The following TMEM259 variants were observed in gnomAD, a reference collection of about 807,000 sequenced individuals.
TMEM259 encodes the protein transmembrane protein 259, also known as membralin.
TMEM259 carries 26 observed loss-of-function variants against 46.7 expected under a neutral mutation model. The ratio of observed to expected loss-of-function variants is 0.56; its 90% CI spans 0.41 to 0.77. TMEM259 has a LOEUF of 0.77. TMEM259 is among the 30% of genes least tolerant of loss of function. The pLI, the probability that TMEM259 is intolerant of heterozygous loss-of-function variation, is 0.00. For missense variants in TMEM259, 930 were observed against 900.5 expected (o/e 1.03, Z -0.42); for synonymous variants, 494 against 395.1 (o/e 1.25, Z -2.97).
Position 1,013,282 on chromosome 19 carries a change from T to C in TMEM259, c.566A>G (p.Asn189Ser), listed in dbSNP as rs1436067476. 6.2e-7 allele frequency: 1 copy of C among 1,613,670 alleles called. No homozygotes were observed. The highest frequency in any genetic ancestry group is 8.5e-7 in the Non-Finnish European group (1 of 1,179,796). ...GGGGAAGGGGAACTCCTGGCTGTCA[T>C]TCAGGGCCTCTGTGCTACTCGGCGG... ...FKPPSSTEAL[N>S]DSQEFPFPET... Residue 189 changes from asparagine (N) to serine (S), a missense_variant, in exon 3 of 11, where the codon AAT becomes AGT. Transcript: ENST00000356663.
chr19:1,015,390 C>T (rs560522004), intron 1 of TMEM259, among the ~76,000 whole-genome samples: 53 of 152,326 alleles, frequency 3.5e-4, no homozygotes, highest in African/African-American at 1.3e-3. Context: ...GGCCCCACCC[C>T]GACGTCCACA....
In TMEM259 at chr19:1,020,964, C is replaced by T. The variant is rs2039276621; in HGVS notation, c.33G>A (p.Gly11=). 2 of 1,276,050 alleles carry T rather than the reference C, an allele frequency of 1.6e-6. No homozygotes were observed. The highest frequency in any genetic ancestry group is 2.0e-6 in the Non-Finnish European group (2 of 1,008,646). The allele number at this position is 1,276,050 out of a possible 1,614,324, so 79.0% of individuals were successfully genotyped here. A position where few individuals can be genotyped will look rare whatever the true frequency, so the allele number is the denominator to read the frequency against. MSEHVEPAAP[G]PGPNGGGGGP... ...CGCCGCCGCCGCCGTTGGGCCCGGG[C>T]CCCGGAGCTGCGGGCTCCACGTGCT... Residue 11 remains glycine (G), a synonymous_variant, in exon 1 of 11, where the codon GGG becomes GGA. Coordinates refer to ENST00000356663, the MANE Select transcript of TMEM259 (RefSeq NM_001033026.2). The surrounding 1 kb of genome is among the most constrained non-coding windows in gnomAD (Gnocchi z 4.0).
At chr19:1,015,198 A>C (rs2039069065) in intron 1 of TMEM259, among the ~76,000 whole-genome samples, 1 of 152,302 alleles carries the variant, frequency 6.6e-6, no homozygotes, top group African/African-American at 2.4e-5. Flanking sequence ...AGAGCGCCCC[A>C]CGGCAGGGCG....
chr19:1,009,739 C>A lies in TMEM259; in HGVS notation c.*611G>T. The A allele has an allele frequency of 1.3e-6, 1 of 799,916 alleles. No individual in the cohort carries two copies. The highest frequency in any genetic ancestry group is 1.8e-6 in the Non-Finnish European group (1 of 568,176). The allele number at this position is 799,916 out of a possible 1,614,324, so 49.6% of individuals were successfully genotyped here. A position where few individuals can be genotyped will look rare whatever the true frequency, so the allele number is the denominator to read the frequency against. Reference sequence around the variant, plus strand: ...AATGGAATGAGCGCTCCTCCGCATTCCTCCCCGAGTGACTGGTTTGGCCGC... The same window carrying A: ...AATGGAATGAGCGCTCCTCCGCATTACTCCCCGAGTGACTGGTTTGGCCGC... On this transcript the variant is annotated 3_prime_UTR_variant, in exon 11 of 11. Coordinates refer to ENST00000356663, the MANE Select transcript of TMEM259 (RefSeq NM_001033026.2).
chr19:1,017,349 G>A (rs145763772), intron 1 of TMEM259: 14 of 399,380 alleles, frequency 3.5e-5, no homozygotes, highest in Non-Finnish European at 5.7e-5. Flanking sequence ...CATGCCCTGG[G>A]TGGTCCAGTC....
Position 1,011,294 on chromosome 19 carries a change from C to T in TMEM259, c.1217+73G>A, listed in dbSNP as rs1051758477. On this transcript the variant is annotated intron_variant, in intron 9 of 10. Coordinates refer to ENST00000356663, the MANE Select transcript of TMEM259 (RefSeq NM_001033026.2). ...GCGCAGCCACCACCCCCGCCTCCAG[C>T]GCCCCTCCCTCTGGCAGCCCCCTAC... 29 of 1,538,532 alleles carry T rather than the reference C, an allele frequency of 1.9e-5. No individual in the cohort carries two copies. The Admixed American group carries it at 3.1e-4, about 17-fold the overall frequency.
At chr19:1,019,870 T>C (rs1187111958) in intron 1 of TMEM259, among the ~76,000 whole-genome samples, 3 of 152,146 alleles carry the variant, frequency 2.0e-5, no homozygotes, top group Non-Finnish European at 4.4e-5. Context: ...CCGGCCAGCT[T>C]GTTTTCTGAG....
rs1236362840 is a variant in TMEM259, at chr19:1,012,485, G to T, written c.696C>A (p.Ile232=). The T allele has an allele frequency of 6.2e-7, 1 of 1,606,150 alleles. No individual in the cohort carries two copies. The change falls in exon 4 of 11, where the codon ATC becomes ATA. Residue 232 remains isoleucine (I), a synonymous_variant. Coordinates refer to ENST00000356663, the MANE Select transcript of TMEM259 (RefSeq NM_001033026.2). ...CACCCAGGGTGACCACCATGACGGG[G>T]ATGCTCAGGCGCTGGCGGGTGGCCT... The part of the protein sequence containing the change: ...LSQATRQRLS[I]PVMVVTLDPT...
Position 1,014,414 on chromosome 19 carries a change from G to A in TMEM259, c.285C>T (p.Ile95=). 2.5e-6 allele frequency: 4 copies of A among 1,612,542 alleles called. No individual in the cohort carries two copies. The highest frequency in any genetic ancestry group is 3.4e-6 in the Non-Finnish European group (4 of 1,179,878). The change falls in exon 2 of 11, where the codon ATC becomes ATT. Residue 95 remains isoleucine (I), a synonymous_variant. Transcript: ENST00000356663. ...TGTCACGCACATGCTCCAGGCAGTT[G>A]ATGGGCGAGCGGGAGAAGACGATGT... ...YIHIVFSRSP[I]NCLEHVRDKW...
chr19:1,018,719 CT>C (rs2039189230), intron 1 of TMEM259, among the ~76,000 whole-genome samples: 1 of 152,204 alleles, frequency 6.6e-6, no homozygotes, highest in Non-Finnish European at 1.5e-5. Context: ...GGCATGGTGG[CT>C]CACGCCTGTA....
chr19:1,014,996 G>A (rs897164689), intron 1 of TMEM259, among the ~76,000 whole-genome samples: 14 of 152,238 alleles, frequency 9.2e-5, no homozygotes, highest in East Asian at 1.9e-4. Context: ...CACTGTCTAC[G>A]AAAGAGGGCA....
At position 1,010,199 on chromosome 19, in the gene TMEM259, C is replaced by T. The variant is rs1310117897; in HGVS notation, c.*151G>A. The stretch of plus-strand genomic sequence containing the variant: ...GACCTCACACCAGGGGGAGGAAAGC[C>T]GCCTTCCGGGCAAACCCCACGAAAC... On this transcript the variant is annotated 3_prime_UTR_variant, in exon 11 of 11. Transcript: ENST00000356663. The T allele has an allele frequency of 2.3e-5, 17 of 732,232 alleles. No homozygotes were observed. Among genetic ancestry groups the T allele is most frequent in the African/African-American group, 5.7e-5 (3 of 52,954 alleles). The allele number at this position is 732,232 out of a possible 1,614,324, so 45.4% of individuals were successfully genotyped here.
chr19:1,010,736 G>A lies in TMEM259; in HGVS notation c.1477C>T (p.Pro493Ser). 1 of 1,532,190 alleles carries A rather than the reference G, an allele frequency of 6.5e-7. No homozygotes were observed. The highest frequency in any genetic ancestry group is 8.7e-7 in the Non-Finnish European group (1 of 1,145,582). The allele number at this position is 1,532,190 out of a possible 1,614,324, so 94.9% of individuals were successfully genotyped here. A position where few individuals can be genotyped will look rare whatever the true frequency, so the allele number is the denominator to read the frequency against. ...GCGGGGGGCTGGCCGGCAGAGTCAG[G>A]GGCTGTAGCCGGGGCGCCCGAGTTG... ...NNNSGAPATA[P>S]DSAGQPPALG... Residue 493 changes from proline (P) to serine (S), a missense_variant, in exon 11 of 11, where the codon CCT becomes TCT. Transcript: ENST00000356663.
At position 1,014,443 on chromosome 19, in the gene TMEM259, T is replaced by C. The variant is rs1222020196; in HGVS notation, c.256A>G (p.Ile86Val). The C allele has an allele frequency of 6.2e-7, 1 of 1,611,528 alleles. No individual in the cohort carries two copies. Among genetic ancestry groups the C allele is most frequent in the South Asian group, 1.1e-5 (1 of 91,014 alleles). ...ALFVLFVLAY[I>V]HIVFSRSPIN... ...GGCGAGCGGGAGAAGACGATGTGGA[T>C]GTAGGCCAGGACGAAGAGCACAAAC... The change falls in exon 2 of 11, where the codon ATC becomes GTC. Residue 86 changes from isoleucine (I) to valine (V), a missense_variant. Transcript: ENST00000356663.
Position 1,010,554 on chromosome 19 carries a change from G to A in TMEM259, c.1659C>T (p.Phe553=). The A allele has an allele frequency of 6.5e-7, 1 of 1,548,880 alleles. No individual in the cohort carries two copies. Among genetic ancestry groups the A allele is most frequent in the African/African-American group, 1.4e-5 (1 of 73,190 alleles). The stretch of plus-strand genomic sequence containing the variant: ...GGAGGGAGGCGCTCAGGCCGGACAG[G>A]AAGGAGGCGTCTGTGATGATGGCAG... ...ETAAIITDAS[F]LSGLSASLLE... is the part of the protein sequence containing the mutation. Residue 553 remains phenylalanine, a synonymous_variant, in exon 11 of 11, where the codon TTC becomes TTT. Coordinates refer to ENST00000356663, the MANE Select transcript of TMEM259 (RefSeq NM_001033026.2).
chr19:1,010,123 T>C lies in TMEM259; in HGVS notation c.*227A>G. Reference sequence around the variant, plus strand: ...ACCTTCCGCGGAACCCCACCCCCTCTCCTTGCTGACCAGCTCAAACACCTC... The same window carrying C: ...ACCTTCCGCGGAACCCCACCCCCTCCCCTTGCTGACCAGCTCAAACACCTC... On this transcript the variant is annotated 3_prime_UTR_variant, in exon 11 of 11. Transcript: ENST00000356663. 2 of 501,132 alleles carry C rather than the reference T, an allele frequency of 4.0e-6. No individual in the cohort carries two copies. The highest frequency in any genetic ancestry group is 6.8e-5 in the South Asian group (2 of 29,466). 31.0% of individuals were successfully genotyped at this position (501,132 alleles called of 1,614,324 possible).
Position 1,010,184 on chromosome 19 carries a change from C to G in TMEM259, c.*166G>C, listed in dbSNP as rs115454056. 6.3e-6 allele frequency: 4 copies of G among 635,850 alleles called. No individual in the cohort carries two copies. The highest frequency in any genetic ancestry group is 1.0e-5 in the Non-Finnish European group (4 of 397,820). 39.4% of individuals were successfully genotyped at this position (635,850 alleles called of 1,614,324 possible). A position where few individuals can be genotyped will look rare whatever the true frequency, so the allele number is the denominator to read the frequency against. On this transcript the variant is annotated 3_prime_UTR_variant, in exon 11 of 11. Transcript: ENST00000356663. ...ACAAGCCTCGGGCGCGACCTCACACCAGGGGGAGGAAAGCCGCCTTCCGGG... is the reference window on the plus strand; with the variant it reads ...ACAAGCCTCGGGCGCGACCTCACACGAGGGGGAGGAAAGCCGCCTTCCGGG...
Position 1,011,436 on chromosome 19 carries a change from A to G in TMEM259, c.1148T>C (p.Ile383Thr). 1 of 1,568,806 alleles carries G rather than the reference A, an allele frequency of 6.4e-7. No homozygotes were observed. The highest frequency in any genetic ancestry group is 8.6e-7 in the Non-Finnish European group (1 of 1,157,522). ...DTTTAFYIIL[I>T]VWLADQYDAI... ...GTCATACTGGTCCGCGAGCCACACG[A>G]TGAGGATGATGTAGAAGGCGGTGGT... The change falls in exon 9 of 11, where the codon ATC (isoleucine) becomes ACC (threonine). Residue 383 changes from isoleucine to threonine, a missense_variant. By Grantham distance (89) the Ile-to-Thr change is moderately conservative. Transcript: ENST00000356663.
chr19:1,021,021 A>G lies in TMEM259; in HGVS notation c.-25T>C. 7.4e-7 allele frequency: 1 copy of G among 1,348,820 alleles called. No homozygotes were observed. Among genetic ancestry groups the G allele is most frequent in the Non-Finnish European group, 9.6e-7 (1 of 1,039,228 alleles). 83.6% of individuals were successfully genotyped at this position (1,348,820 alleles called of 1,614,324 possible). Reference sequence around the variant, plus strand: ...TGCCTCCCAGCGTCGCGCCCTAACGACCCGCAAGTGTCCGAGGGCGCCTCC... The same window carrying G: ...TGCCTCCCAGCGTCGCGCCCTAACGGCCCGCAAGTGTCCGAGGGCGCCTCC... On this transcript the variant is annotated 5_prime_UTR_variant, in exon 1 of 11. Coordinates refer to ENST00000356663, the MANE Select transcript of TMEM259 (RefSeq NM_001033026.2).
Sources: allele counts gnomAD v4.1 joint callset (sites outside exome capture counted in the v4.1 genomes callset), GRCh38; gene constraint gnomAD v4.1.1; non-coding constraint Gnocchi (gnomAD v3.1); transcripts MANE v1.5; gene names NCBI Gene and HGNC (gene_info 2026-07-23, HGNC 2026-07-21).